Variants in DGKK observed in about 807,000 individuals in gnomAD.
The protein encoded by DGKK is 142 kDa diacylglycerol kinase.
DGKK carries 35 observed loss-of-function variants against 92.2 expected under a neutral mutation model. The observed-to-expected ratio is 0.38, with a 90% CI of 0.29 to 0.50. The LOEUF (loss-of-function observed/expected upper bound fraction) is 0.50, where lower values mean the gene tolerates loss of function less well. Among genes scored for constraint, DGKK ranks in the 20% least tolerant of loss-of-function variants. The pLI, the probability that DGKK is intolerant of heterozygous loss-of-function variation, is 0.92. For synonymous variants in DGKK, 368 were observed against 360.6 expected (o/e 1.02, Z -0.23); for missense variants, 910 against 992.2 (o/e 0.92, Z 1.11).
intron 23 of DGKK, 57 bp downstream of exon 23, chrX:50,376,698 GCTT>G (rs1924282154): frequency 1.0e-5 from 11 of 1,059,955 alleles, no homozygotes; most frequent in Non-Finnish European, 1.2e-5. Flanking sequence ...ACACAAATTG[GCTT>G]CTTCTCCCTA....
chrX:50,371,616 A>G, intron 26 of DGKK, 108 bp downstream of exon 26: 2 of 545,458 alleles, frequency 3.7e-6, no homozygotes, highest in Non-Finnish European at 5.9e-6. Context: ...TAAAGCCAGC[A>G]CTGGACCCCC....
chrX:50,391,136 G>A (rs192712329), intron 11 of DGKK, among the ~76,000 whole-genome samples: 1 of 110,391 alleles, frequency 9.1e-6, no homozygotes, highest in East Asian at 2.9e-4. Context: ...TGGTTTTTTT[G>A]AGACAGGGTC....
chrX:50,419,602 A>T (rs1557228905), intron 4 of DGKK, among the ~76,000 whole-genome samples: 1 of 112,164 alleles, frequency 8.9e-6, no homozygotes, highest in Non-Finnish European at 1.9e-5. Flanking sequence ...TGGTTCCAAG[A>T]TTTCCTGCAG....
intron 1 of DGKK, among the ~76,000 whole-genome samples, chrX:50,437,786 G>C (rs1926069613): frequency 9.0e-6 from 1 of 111,557 alleles, no homozygotes; most frequent in Non-Finnish European, 1.9e-5. Context: ...AACACTCATA[G>C]ACTTGTAGAT....
In DGKK at chrX:50,369,008, G is replaced by A. The variant is rs781900712; in HGVS notation, c.3748C>T (p.His1250Tyr). The A allele has an allele frequency of 3.3e-6, 4 of 1,203,242 alleles. No homozygotes were observed. In the African/African-American group the frequency reaches 7.1e-5, roughly 21 times the overall value. ...SVQSFIGNLW[H>Y]RRHREDEAEG... is the part of the protein sequence containing the mutation. ...GCTTCATCTTCACGATGTCTGCGGT[G>A]CCATAAATTGCCTTCAGAGGAAAAA... The change falls in exon 28 of 28, where the codon CAC becomes TAC. Residue 1250 changes from histidine to tyrosine, a missense_variant. Physicochemically the swap from His to Tyr is moderately conservative, Grantham distance 83 (BLOSUM62 2). Coordinates refer to ENST00000611977, the MANE Select transcript of DGKK (RefSeq NM_001013742.4).
intron 7 of DGKK, among the ~76,000 whole-genome samples, chrX:50,401,750 GA>G (rs201716961): frequency 7.0e-5 from 7 of 99,967 alleles, no homozygotes; most frequent in East Asian, 3.1e-4. Context: ...AAAAGCAATT[GA>G]AAAAAAAAAA....
Position 50,392,341 on chromosome X carries a change from C to G in DGKK, c.1704G>C (p.Lys568Asn). ...TAAACTGAGTCATCCAGGGACTTACCTTTTCATGTAATCCAAAGGCATCAA... is the reference window on the plus strand; with the variant it reads ...TAAACTGAGTCATCCAGGGACTTACGTTTTCATGTAATCCAAAGGCATCAA... ...SLIDAFGLHE[K>N]CQLAVIPLGT... The change falls in exon 10 of 28, where the codon AAG becomes AAC. Residue 568 changes from lysine to asparagine, a missense_variant and splice_region_variant. Coordinates refer to ENST00000611977, the MANE Select transcript of DGKK (RefSeq NM_001013742.4). The G allele has an allele frequency of 8.3e-7, 1 of 1,200,518 alleles. No homozygotes were observed. Among genetic ancestry groups the G allele is most frequent in the Non-Finnish European group, 1.1e-6 (1 of 885,185 alleles).
chrX:50,386,618 T>C (rs781880459), intron 14 of DGKK, 32 bp from the exon 15 acceptor site: 2 of 1,130,992 alleles, frequency 1.8e-6, no homozygotes, highest in Admixed American at 2.3e-5. Flanking sequence ...AGGGCATTGT[T>C]ATGAGGGACC....
intron 8 of DGKK, 37 bp from the exon 9 acceptor site, chrX:50,393,372 C>T (rs368739728): frequency 1.3e-4 from 140 of 1,114,593 alleles, no homozygotes; most frequent in South Asian, 2.9e-4. Flanking sequence ...AAAAAAAGAA[C>T]GGACCCGTTG....
At chrX:50,468,286 C>G (rs782076436) in intron 1 of DGKK, among the ~76,000 whole-genome samples, 6 of 111,655 alleles carry the variant, frequency 5.4e-5, no homozygotes, top group Non-Finnish European at 1.1e-4. Flanking sequence ...TATTACGTCC[C>G]CACGTGTCAG....
At chrX:50,421,456 CCTTT>C (rs1219560866) in intron 3 of DGKK, among the ~76,000 whole-genome samples, 1 of 112,046 alleles carries the variant, frequency 8.9e-6, no homozygotes, top group African/African-American at 3.2e-5. Context: ...AACAGCCACT[CCTTT>C]GGTCCAAACC....
chrX:50,466,017 CTTTTTTTT>C lies in DGKK; in HGVS notation c.645+4009_645+4016del, dbSNP rs72090197. 5.0e-3 allele frequency among the ~76,000 whole-genome samples: 215 copies of C among 42,799 alleles called. No individual in the cohort carries two copies. In the South Asian group the frequency reaches 0.058, roughly 12 times the overall value. The allele number at this position is 42,799 out of a possible 115,157, so 37.2% of individuals were successfully genotyped here. On this transcript the variant is annotated intron_variant, in intron 1 of 27. Transcript: ENST00000611977. Reference sequence around the variant, plus strand: ...GGATATTTTTTTCTTTTTCTTTTTTCTTTTTTTTTTTTTTTTTTTTTTTTGCCTTTCCT... The same window carrying C: ...GGATATTTTTTTCTTTTTCTTTTTTCTTTTTTTTTTTTTTTTGCCTTTCCT...
At position 50,376,864 on chromosome X, in the gene DGKK, C is replaced by T. The variant is rs782058321; in HGVS notation, c.3166G>A (p.Ala1056Thr). The change falls in exon 23 of 28, where the codon GCC becomes ACC. Residue 1056 changes from alanine to threonine, a missense_variant. By Grantham distance (58) the Ala-to-Thr change is moderately conservative. Coordinates refer to ENST00000611977, the MANE Select transcript of DGKK (RefSeq NM_001013742.4). Reference sequence around the variant, plus strand: ...TGGAAGTCCAGCTGGGGTTGAGGGGCAGCTTGAATTTCAGTATGCTTGTAT... The same window carrying T: ...TGGAAGTCCAGCTGGGGTTGAGGGGTAGCTTGAATTTCAGTATGCTTGTAT... ...WEYKHTEIQAAPQPQLDFQDS... is the reference protein window; with the variant it reads ...WEYKHTEIQATPQPQLDFQDS... The T allele has an allele frequency of 8.3e-7, 1 of 1,207,877 alleles. No individual in the cohort carries two copies. The highest frequency in any genetic ancestry group is 1.8e-5 in the South Asian group (1 of 55,901).
At chrX:50,386,143 T>C (rs1282438774) in intron 15 of DGKK, among the ~76,000 whole-genome samples, 3 of 111,430 alleles carry the variant, frequency 2.7e-5, no homozygotes, top group Non-Finnish European at 5.7e-5. Flanking sequence ...GAGTTGACTG[T>C]CTGGGAGGTA....
intron 8 of DGKK, among the ~76,000 whole-genome samples, chrX:50,399,178 AC>A (rs1956973620): frequency 8.9e-6 from 1 of 111,847 alleles, no homozygotes; most frequent in Admixed American, 9.5e-5. Flanking sequence ...CATTCCATGT[AC>A]TAAGGTCTAG....
chrX:50,463,498 C>T (rs782793673), intron 1 of DGKK, among the ~76,000 whole-genome samples: 3 of 102,532 alleles, frequency 2.9e-5, no homozygotes, highest in Non-Finnish European at 6.0e-5. Flanking sequence ...CCGGCTTTCC[C>T]CCTCCCTCCC....
intron 1 of DGKK, among the ~76,000 whole-genome samples, chrX:50,436,022 G>A (rs1348379339): frequency 8.9e-6 from 1 of 111,824 alleles, no homozygotes; most frequent in Non-Finnish European, 1.9e-5. Flanking sequence ...TAGTTTGACA[G>A]TCTATCACAC....
chrX:50,440,514 T>TA (rs2147143737), intron 1 of DGKK, among the ~76,000 whole-genome samples: 1 of 111,683 alleles, frequency 9.0e-6, no homozygotes, highest in Non-Finnish European at 1.9e-5. Context: ...AACCCTTTCT[T>TA]ATTCTATTAT....
chrX:50,384,852 G>T (rs782457454), intron 15 of DGKK, 28 bp from the exon 16 acceptor site: 1 of 1,099,381 alleles, frequency 9.1e-7, no homozygotes, highest in East Asian at 3.1e-5. Flanking sequence ...AGGAAGGAAA[G>T]CAAAAAAGAA....
Sources: gnomAD v4.1 joint callset for allele counts (sites outside exome capture counted in the v4.1 genomes callset) on GRCh38, gnomAD v4.1.1 for gene constraint, MANE v1.5 for transcripts, NCBI Gene and HGNC (gene_info 2026-07-23, HGNC 2026-07-21) for gene names.